The following NSMCE2 variants were observed in gnomAD, a reference collection of about 807,000 sequenced individuals.
NSMCE2 encodes E3 SUMO-protein ligase NSE2.
In NSMCE2, 24 loss-of-function variants were observed where a neutral mutation model predicts 23.8. That is an observed-to-expected ratio of 1.01 (90% CI 0.73 to 1.42). NSMCE2 has a LOEUF of 1.42. Among genes scored for constraint, NSMCE2 ranks in the 40% most tolerant of loss-of-function variants. NSMCE2 has a pLI of 0.00. For synonymous variants in NSMCE2, 92 were observed against 94.1 expected (o/e 0.98, Z 0.13); for missense variants, 284 against 296.5 (o/e 0.96, Z 0.31).
In NSMCE2 at chr8:125,198,476, G is replaced by A. The variant is rs565538469; in HGVS notation, c.418+16220G>A. Among the ~76,000 whole-genome samples, 7 of 152,256 alleles carry A rather than the reference G, an allele frequency of 4.6e-5. No individual in the cohort carries two copies. In the South Asian group the frequency reaches 1.4e-3, roughly 32 times the overall value. ...GGTTTTTGTCATTGGTTCTGTTTATGTGATGGATTACATTTATTGATTTGC... is the reference window on the plus strand; with the variant it reads ...GGTTTTTGTCATTGGTTCTGTTTATATGATGGATTACATTTATTGATTTGC... On this transcript the variant is annotated intron_variant, in intron 5 of 7. Transcript: ENST00000287437.
intron 3 of NSMCE2, among the ~76,000 whole-genome samples, chr8:125,136,958 G>A: frequency 6.6e-6 from 1 of 152,066 alleles, no homozygotes; most frequent in East Asian, 1.9e-4. Context: ...TAAATATAAG[G>A]AGAAATGCAA....
chr8:125,315,087 A>G (rs1022784187), intron 5 of NSMCE2, among the ~76,000 whole-genome samples: 11 of 151,632 alleles, frequency 7.3e-5, no homozygotes, highest in African/African-American at 2.7e-4. Flanking sequence ...TTTCTTCATC[A>G]TGACTTTTCT....
At chr8:125,356,461 T>A (rs1365832414) in intron 5 of NSMCE2, among the ~76,000 whole-genome samples, 1 of 150,870 alleles carries the variant, frequency 6.6e-6, no homozygotes, top group Non-Finnish European at 1.5e-5. Flanking sequence ...CCCAAATAGC[T>A]GGGACTACAG....
intron 5 of NSMCE2, among the ~76,000 whole-genome samples, chr8:125,219,084 C>A (rs1297337128): frequency 2.0e-5 from 3 of 152,112 alleles, no homozygotes; most frequent in African/African-American, 7.2e-5. Flanking sequence ...AATCCCTGAA[C>A]ACCAGTCCAC....
chr8:125,184,342 T>C (rs1204272171), intron 5 of NSMCE2, among the ~76,000 whole-genome samples: 1 of 151,726 alleles, frequency 6.6e-6, no homozygotes, highest in Non-Finnish European at 1.5e-5. Context: ...AAATCATGGC[T>C]ATTACTTCTT....
At chr8:125,095,304 C>T (rs1817875514) in intron 1 of NSMCE2, among the ~76,000 whole-genome samples, 1 of 152,124 alleles carries the variant, frequency 6.6e-6, no homozygotes, top group African/African-American at 2.4e-5. Flanking sequence ...AAACAGAATA[C>T]TTCTGCTGAT....
At chr8:125,184,708 G>T (rs887979608) in intron 5 of NSMCE2, among the ~76,000 whole-genome samples, 1 of 151,960 alleles carries the variant, frequency 6.6e-6, no homozygotes, top group African/African-American at 2.4e-5. Context: ...AATACAAGTT[G>T]ATACAAGTAT....
intron 5 of NSMCE2, among the ~76,000 whole-genome samples, chr8:125,235,772 G>T (rs1825520030): frequency 6.6e-6 from 1 of 152,146 alleles, no homozygotes; most frequent in Admixed American, 6.5e-5. Flanking sequence ...GTCCTCAAGA[G>T]CAGGAATGGT....
At chr8:125,308,475 A>G (rs1457834543) in intron 5 of NSMCE2, among the ~76,000 whole-genome samples, 2 of 152,300 alleles carry the variant, frequency 1.3e-5, no homozygotes, top group Admixed American at 1.3e-4. Flanking sequence ...ACTACCAGCA[A>G]TACAGGCTAA....
chr8:125,252,381 G>A (rs1354682657), intron 5 of NSMCE2, among the ~76,000 whole-genome samples: 3 of 152,078 alleles, frequency 2.0e-5, no homozygotes, highest in Non-Finnish European at 4.4e-5. Context: ...ACAAAAATTA[G>A]CTGGATGTGG....
intron 5 of NSMCE2, among the ~76,000 whole-genome samples, chr8:125,313,561 G>A (rs1349019151): frequency 2.0e-5 from 3 of 152,188 alleles, no homozygotes; most frequent in South Asian, 2.1e-4. Flanking sequence ...AGGACCTCAC[G>A]ACTTGCCAGC....
intron 5 of NSMCE2, among the ~76,000 whole-genome samples, chr8:125,248,613 A>G (rs1490414027): frequency 6.6e-6 from 1 of 152,026 alleles, no homozygotes; most frequent in East Asian, 1.9e-4. Context: ...AGATCACACC[A>G]CTGCACTCCA....
intron 3 of NSMCE2, among the ~76,000 whole-genome samples, chr8:125,141,231 C>G (rs1276099082): frequency 1.3e-5 from 2 of 152,204 alleles, no homozygotes; most frequent in Admixed American, 1.3e-4. Context: ...CTCCATCACT[C>G]TGAGGTAGAG....
Position 125,202,966 on chromosome 8 carries a change from T to G in NSMCE2, c.418+20710T>G, listed in dbSNP as rs369561568. On this transcript the variant is annotated intron_variant, in intron 5 of 7. Transcript: ENST00000287437. ...ATTGGTTTTGACAACCTTTTCTTGATAGGAAGACAGAAACTGAAGTGTCAG... is the reference window on the plus strand; with the variant it reads ...ATTGGTTTTGACAACCTTTTCTTGAGAGGAAGACAGAAACTGAAGTGTCAG... Among the ~76,000 whole-genome samples, 24 of 152,298 alleles carry G rather than the reference T, an allele frequency of 1.6e-4. No individual in the cohort carries two copies. In the East Asian group the frequency reaches 4.4e-3, roughly 28 times the overall value.
chr8:125,294,157 G>A (rs1563767958), intron 5 of NSMCE2, among the ~76,000 whole-genome samples: 1 of 152,126 alleles, frequency 6.6e-6, no homozygotes, highest in Non-Finnish European at 1.5e-5. Context: ...TTCTAGTGCT[G>A]AGTAACATTT....
At chr8:125,193,363 A>G (rs1823449456) in intron 5 of NSMCE2, among the ~76,000 whole-genome samples, 1 of 152,246 alleles carries the variant, frequency 6.6e-6, no homozygotes, top group Non-Finnish European at 1.5e-5. Context: ...GGAACTAATA[A>G]TAAGAGACAA....
At chr8:125,281,638 C>T (rs1827699288) in intron 5 of NSMCE2, among the ~76,000 whole-genome samples, 1 of 152,074 alleles carries the variant, frequency 6.6e-6, no homozygotes, top group Admixed American at 6.6e-5. Flanking sequence ...AGGTATTTTG[C>T]CATGTTGGCC....
chr8:125,128,139 G>T (rs1048921347), intron 3 of NSMCE2, among the ~76,000 whole-genome samples: 1 of 152,306 alleles, frequency 6.6e-6, no homozygotes, highest in South Asian at 2.1e-4. Flanking sequence ...GTGGTAGTAG[G>T]CTCTTGTAAG....
At chr8:125,277,293 G>T (rs1198219733) in intron 5 of NSMCE2, among the ~76,000 whole-genome samples, 1 of 152,068 alleles carries the variant, frequency 6.6e-6, no homozygotes, top group Non-Finnish European at 1.5e-5. Flanking sequence ...TAGCTCCTGA[G>T]AAAGGTATCT....
Sources: gnomAD v4.1 joint callset for allele counts (sites outside exome capture counted in the v4.1 genomes callset) on GRCh38, gnomAD v4.1.1 for gene constraint, MANE v1.5 for transcripts, NCBI Gene and HGNC (gene_info 2026-07-23, HGNC 2026-07-21) for gene names.